Variants in HYCC2 observed in about 807,000 individuals in gnomAD.
The protein encoded by HYCC2 is hyccin PI4KA lipid kinase complex subunit 2.
the HYCC2 span, chr2:200,988,529 T>C: frequency 1.4e-6 from 1 of 719,594 alleles, no homozygotes; most frequent in South Asian, 2.3e-5. Context: ...TGCATTATAA[T>C]GTGTAATAAA....
At chr2:200,982,130 T>C in the HYCC2 span, among the ~76,000 whole-genome samples, 1 of 151,910 alleles carries the variant, frequency 6.6e-6, no homozygotes, top group Non-Finnish European at 1.5e-5. Flanking sequence ...TGTCAATATT[T>C]AGGCATGTAA....
the HYCC2 span, among the ~76,000 whole-genome samples, chr2:200,990,205 T>C: frequency 6.6e-6 from 1 of 152,190 alleles, no homozygotes; most frequent in Non-Finnish European, 1.5e-5. Flanking sequence ...TTATAATACA[T>C]TGTCTTTGGT....
At chr2:201,041,309 T>C in the HYCC2 span, among the ~76,000 whole-genome samples, 9 of 152,308 alleles carry the variant, frequency 5.9e-5, no homozygotes, top group Middle Eastern at 6.8e-3. Flanking sequence ...AAATCTATGA[T>C]TGAAAAAGGC....
the HYCC2 span, among the ~76,000 whole-genome samples, chr2:200,982,449 A>T: frequency 6.6e-6 from 1 of 152,102 alleles, no homozygotes; most frequent in African/African-American, 2.4e-5. Flanking sequence ...GAACTAGCAA[A>T]TTTTTTAAAT....
the HYCC2 span, among the ~76,000 whole-genome samples, chr2:201,053,771 T>C: frequency 1.3e-5 from 2 of 151,318 alleles, no homozygotes. Flanking sequence ...AAGACCATCC[T>C]GGCTAACATG....
At chr2:201,019,490 C>T in the HYCC2 span, among the ~76,000 whole-genome samples, 5 of 152,108 alleles carry the variant, frequency 3.3e-5, no homozygotes, top group East Asian at 7.9e-4. Flanking sequence ...TGGTAGCTCA[C>T]GCCTGTAATT....
At chr2:201,005,460 T>G in the HYCC2 span, among the ~76,000 whole-genome samples, 1 of 152,102 alleles carries the variant, frequency 6.6e-6, no homozygotes, top group South Asian at 2.1e-4. Context: ...GTGCTGCAAC[T>G]GTGGGTGCAA....
the HYCC2 span, chr2:200,979,625 T>C: frequency 6.6e-6 from 1 of 152,666 alleles, no homozygotes; most frequent in African/African-American, 2.4e-5. Flanking sequence ...AGGAGAATAC[T>C]TGCTTTCTAT....
At chr2:201,020,761 T>A in the HYCC2 span, among the ~76,000 whole-genome samples, 1 of 152,046 alleles carries the variant, frequency 6.6e-6, no homozygotes, top group South Asian at 2.1e-4. Flanking sequence ...AATATGAAAG[T>A]TTCCAAATAT....
the HYCC2 span, among the ~76,000 whole-genome samples, chr2:201,043,432 T>TAAAAAAAAAAAAAA: frequency 1.3e-5 from 1 of 74,902 alleles, no homozygotes; most frequent in Non-Finnish European, 2.9e-5. Context: ...CAATAAATAC[T>TAAAAAAAAAAAAAA]AAAAAAAAAA....
the HYCC2 span, among the ~76,000 whole-genome samples, chr2:201,056,399 G>A: frequency 6.6e-6 from 1 of 152,190 alleles, no homozygotes; most frequent in Non-Finnish European, 1.5e-5. Context: ...TGCCAGCCGG[G>A]CGCAGTGGCT....
chr2:200,990,399 T>A, the HYCC2 span, among the ~76,000 whole-genome samples: 2 of 150,906 alleles, frequency 1.3e-5, no homozygotes, highest in African/African-American at 4.9e-5. Context: ...GATATTTACA[T>A]TTTTTTTTGT....
chr2:201,024,026 C>T, the HYCC2 span: 3 of 1,605,498 alleles, frequency 1.9e-6, no homozygotes, highest in East Asian at 6.7e-5. Flanking sequence ...TTACCTTCTA[C>T]TCCTCTTTTA....
the HYCC2 span, among the ~76,000 whole-genome samples, chr2:201,034,576 TC>T: frequency 6.6e-6 from 1 of 152,252 alleles, no homozygotes; most frequent in Admixed American, 6.5e-5. Flanking sequence ...CCAGTCTATG[TC>T]TTTTAATTGG....
chr2:201,047,178 C>T, the HYCC2 span, among the ~76,000 whole-genome samples: 1 of 151,872 alleles, frequency 6.6e-6, no homozygotes, highest in Non-Finnish European at 1.5e-5. Flanking sequence ...AATATAGAGC[C>T]CTCTCAGTGC....
At chr2:201,056,209 T>A in the HYCC2 span, among the ~76,000 whole-genome samples, 1 of 145,256 alleles carries the variant, frequency 6.9e-6, no homozygotes, top group African/African-American at 2.7e-5. Context: ...AAAAAATAAA[T>A]AAAATAAAAT....
chr2:201,035,115 G>A, the HYCC2 span, among the ~76,000 whole-genome samples: 1,097 of 152,112 alleles, frequency 7.2e-3, 15 homozygotes, highest in African/African-American at 0.025. Flanking sequence ...TCTTTGTGGC[G>A]TTCTCTGTAT....
chr2:201,008,023 T>G, the HYCC2 span, among the ~76,000 whole-genome samples: 1 of 152,248 alleles, frequency 6.6e-6, no homozygotes, highest in Non-Finnish European at 1.5e-5. Flanking sequence ...GATTTTAATC[T>G]CTATTCTTTC....
the HYCC2 span, chr2:200,973,745 T>C: frequency 1.3e-5 from 2 of 152,152 alleles, no homozygotes; most frequent in Non-Finnish European, 2.9e-5. Context: ...TAGAGCTGTA[T>C]TTTTATACTG....
Sources: gnomAD v4.1 joint callset for allele counts (sites outside exome capture counted in the v4.1 genomes callset) on GRCh38, gnomAD v4.1.1 for gene constraint, MANE v1.5 for transcripts, NCBI Gene and HGNC (gene_info 2026-07-23, HGNC 2026-07-21) for gene names.